Variants in GMDS observed in about 807,000 individuals in gnomAD.
GMDS encodes the protein GDP-mannose 4,6 dehydratase.
In GMDS, 20 loss-of-function variants were observed where a neutral mutation model predicts 49.9. The ratio of observed to expected loss-of-function variants is 0.40; its 90% CI spans 0.28 to 0.58. The LOEUF (loss-of-function observed/expected upper bound fraction) is 0.58, where lower values mean the gene tolerates loss of function less well. Among genes scored for constraint, GMDS ranks in the 20% least tolerant of loss-of-function variants. The probability of loss-of-function intolerance (pLI) is 0.42; values close to 1 mark genes in which losing one functional copy is unlikely to be tolerated. For synonymous variants in GMDS, 177 were observed against 178.6 expected (o/e 0.99, Z 0.07); for missense variants, 362 against 481.4 (o/e 0.75, Z 2.32).
At chr6:2,236,820 G>A (rs2127598808) in intron 1 of GMDS, among the ~76,000 whole-genome samples, 1 of 152,304 alleles carries the variant, frequency 6.6e-6, no homozygotes, top group South Asian at 2.1e-4. Context: ...ACATGATCAA[G>A]CAATTCATTT....
chr6:2,079,014 C>T (rs1167044323), intron 4 of GMDS, among the ~76,000 whole-genome samples: 6 of 67,192 alleles, frequency 8.9e-5, no homozygotes, highest in Non-Finnish European at 1.4e-4. Flanking sequence ...GCATAATGAC[C>T]TTGTCTTTTT....
At chr6:2,043,010 C>T (rs567128480) in intron 4 of GMDS, among the ~76,000 whole-genome samples, 1 of 152,168 alleles carries the variant, frequency 6.6e-6, no homozygotes, top group Admixed American at 6.6e-5. Flanking sequence ...AAAGACAGCA[C>T]TATGGCTAGA....
At chr6:1,690,517 C>A (rs575010872) in intron 9 of GMDS, among the ~76,000 whole-genome samples, 1 of 152,294 alleles carries the variant, frequency 6.6e-6, no homozygotes, top group African/African-American at 2.4e-5. Context: ...TGTTGAAGAT[C>A]AGACGGTTGT....
Position 1,836,481 on chromosome 6 carries a change from G to A in GMDS, c.771+93622C>T, listed in dbSNP as rs1339938820. Among the ~76,000 whole-genome samples, 1 of 152,172 alleles carries A rather than the reference G, an allele frequency of 6.6e-6. No homozygotes were observed. The highest frequency in any genetic ancestry group is 6.5e-5 in the Admixed American group (1 of 15,280). On this transcript the variant is annotated intron_variant, in intron 7 of 10. Transcript: ENST00000380815. This position sits in a 1 kb window ranked among gnomAD's most constrained non-coding sequence, Gnocchi z 4.2. ...CTATCATAGTATTTTCTATTATGTTGCTAGATAAAGACATTTTTAGAGTTT... is the reference window on the plus strand; with the variant it reads ...CTATCATAGTATTTTCTATTATGTTACTAGATAAAGACATTTTTAGAGTTT...
intron 9 of GMDS, among the ~76,000 whole-genome samples, chr6:1,667,525 C>G (rs1412801186): frequency 6.6e-6 from 1 of 152,174 alleles, no homozygotes; most frequent in African/African-American, 2.4e-5. Flanking sequence ...CATTTTTTAA[C>G]AGCAATCTTG....
At chr6:1,791,367 T>C (rs1769535313) in intron 7 of GMDS, among the ~76,000 whole-genome samples, 1 of 152,240 alleles carries the variant, frequency 6.6e-6, no homozygotes, top group African/African-American at 2.4e-5. Flanking sequence ...CTAGTGAGGA[T>C]GCTCTTCCTA....
intron 9 of GMDS, among the ~76,000 whole-genome samples, chr6:1,701,246 C>A (rs1014056973): frequency 6.6e-6 from 1 of 152,130 alleles, no homozygotes. Context: ...AACCAGCTGA[C>A]CCCAATTCCA....
chr6:2,075,004 T>C (rs534554364), intron 4 of GMDS, among the ~76,000 whole-genome samples: 1 of 152,356 alleles, frequency 6.6e-6, no homozygotes, highest in African/African-American at 2.4e-5. Flanking sequence ...CTGTTCTATA[T>C]AACTTTTTAT....
At chr6:1,752,745 A>G (rs866817736) in intron 7 of GMDS, among the ~76,000 whole-genome samples, 1 of 152,254 alleles carries the variant, frequency 6.6e-6, no homozygotes, top group Admixed American at 6.5e-5. Context: ...ATTCTTAAAT[A>G]AAAGAATTTT....
chr6:2,033,098 CAAGTA>C (rs1025166693), intron 4 of GMDS, among the ~76,000 whole-genome samples: 9 of 152,276 alleles, frequency 5.9e-5, no homozygotes, highest in Admixed American at 5.9e-4. Context: ...CTTTGCAATT[CAAGTA>C]GTTTCCAATC....
chr6:1,842,630 C>T (rs1233856783), intron 7 of GMDS, among the ~76,000 whole-genome samples: 2 of 152,168 alleles, frequency 1.3e-5, no homozygotes, highest in Non-Finnish European at 2.9e-5. Context: ...CAAATCCCAG[C>T]CTACCTCCAA....
intron 7 of GMDS, among the ~76,000 whole-genome samples, chr6:1,874,745 G>A (rs1441934203): frequency 3.9e-5 from 6 of 152,146 alleles, no homozygotes; most frequent in Non-Finnish European, 8.8e-5. Context: ...AAGACTCATG[G>A]CTTGGGATGG....
intron 6 of GMDS, chr6:1,952,091 T>C: frequency 1.7e-6 from 1 of 589,058 alleles, no homozygotes; most frequent in Non-Finnish European, 2.1e-6. Flanking sequence ...TTCACGACCT[T>C]GGACAACTCA....
chr6:1,632,703 C>G (rs1438422432), intron 9 of GMDS, among the ~76,000 whole-genome samples: 1 of 152,094 alleles, frequency 6.6e-6, no homozygotes, highest in African/African-American at 2.4e-5. Flanking sequence ...ATGGCAGGAC[C>G]CTGTCTCTAC....
chr6:2,034,373 A>T (rs1039734594), intron 4 of GMDS, among the ~76,000 whole-genome samples: 1 of 152,186 alleles, frequency 6.6e-6, no homozygotes, highest in Non-Finnish European at 1.5e-5. Flanking sequence ...GACAAAGTAC[A>T]TTTGTGGTTG....
chr6:2,174,115 C>T (rs532430523), intron 1 of GMDS, among the ~76,000 whole-genome samples: 3 of 152,146 alleles, frequency 2.0e-5, no homozygotes, highest in Admixed American at 2.0e-4. Flanking sequence ...GGCGGTCTCA[C>T]TCATTCAATA....
intron 7 of GMDS, among the ~76,000 whole-genome samples, chr6:1,869,140 T>C (rs963999673): frequency 2.6e-5 from 4 of 152,206 alleles, no homozygotes; most frequent in Middle Eastern, 3.2e-3. Context: ...CTGGGGGAGA[T>C]AGCTCACGCT....
intron 9 of GMDS, among the ~76,000 whole-genome samples, chr6:1,700,461 C>T (rs1359450608): frequency 1.3e-5 from 2 of 152,168 alleles, no homozygotes; most frequent in African/African-American, 4.8e-5. Context: ...GTTCCATAGA[C>T]TCTAAATTAC....
At position 1,647,026 on chromosome 6, in the gene GMDS, G is replaced by A. The variant is rs764620117; in HGVS notation, c.988-22486C>T. On this transcript the variant is annotated intron_variant, in intron 9 of 10. Coordinates refer to ENST00000380815, the MANE Select transcript of GMDS (RefSeq NM_001500.4). Reference sequence around the variant, plus strand: ...TTGCCCCTTCCTTGCCCTGGCTAGGGAGGAAGGATGGCGGAAAGGGCTGGA... The same window carrying A: ...TTGCCCCTTCCTTGCCCTGGCTAGGAAGGAAGGATGGCGGAAAGGGCTGGA... Among the ~76,000 whole-genome samples the A allele has an allele frequency of 4.9e-4, 74 of 152,322 alleles. No individual in the cohort carries two copies. In the Middle Eastern group the frequency reaches 0.017, roughly 35 times the overall value.
Sources: gnomAD v4.1 joint callset for allele counts (sites outside exome capture counted in the v4.1 genomes callset) on GRCh38, gnomAD v4.1.1 for gene constraint, Gnocchi (gnomAD v3.1) non-coding constraint, MANE v1.5 for transcripts, NCBI Gene and HGNC (gene_info 2026-07-23, HGNC 2026-07-21) for gene names.